Variants in OR6J1 observed in about 807,000 individuals in gnomAD.
The protein encoded by OR6J1 is olfactory receptor 6J1.
For synonymous variants in OR6J1, 109 were observed against 70.0 expected, an observed-to-expected ratio of 1.56 and a Z score of -2.78; for missense variants, 304 against 166.8, an observed-to-expected ratio of 1.82 and a Z score of -4.53.
intron 1 of OR6J1, among the ~76,000 whole-genome samples, chr14:22,638,029 G>T (rs1330856972): frequency 1.9e-5 from 2 of 106,642 alleles, no homozygotes; most frequent in Non-Finnish European, 3.7e-5. Flanking sequence ...GGAGGATGGT[G>T]GGGGGGTCAG....
chr14:22,643,754 CACACACACACAGAGAGAG>C (rs1158929494), intron 1 of OR6J1, among the ~76,000 whole-genome samples: 66 of 93,148 alleles, frequency 7.1e-4, no homozygotes, highest in African/African-American at 2.7e-3. Flanking sequence ...CACACACACA[CACACACACACAGAGAGAG>C]AGAGAGAGAG....
At chr14:22,641,230 A>AAAGAAAGT (rs2037644622) in intron 1 of OR6J1, among the ~76,000 whole-genome samples, 1 of 30,914 alleles carries the variant, frequency 3.2e-5, no homozygotes, top group Non-Finnish European at 7.3e-5. Context: ...AGAAAGAAAG[A>AAAGAAAGT]AAGAAAGAAA....
chr14:22,633,951 A>G lies in OR6J1; in HGVS notation c.861T>C (p.Phe287=), dbSNP rs2037564698. Reference sequence around the variant, plus strand: ...CTGTGTCATTCCTCAGAGTATATATAAAGGGGTTGAGGAATGGAGTCACCA... The same window carrying G: ...CTGTGTCATTCCTCAGAGTATATATGAAGGGGTTGAGGAATGGAGTCACCA... ...SSVVTPFLNP[F]IYTLRNDTVQ... The change falls in exon 2 of 2, where the codon TTT becomes TTC. Residue 287 remains phenylalanine, a synonymous_variant. Coordinates refer to ENST00000540461, the MANE Select transcript of OR6J1 (RefSeq NM_001348233.2). 4.3e-6 allele frequency: 3 copies of G among 702,742 alleles called. No homozygotes were observed. The highest frequency in any genetic ancestry group is 7.8e-6 in the Non-Finnish European group (3 of 384,854). 43.5% of individuals were successfully genotyped at this position (702,742 alleles called of 1,614,324 possible). A position where few individuals can be genotyped will look rare whatever the true frequency, so the allele number is the denominator to read the frequency against.
chr14:22,638,539 T>C (rs2037613634), intron 1 of OR6J1, among the ~76,000 whole-genome samples: 1 of 97,258 alleles, frequency 1.0e-5, no homozygotes. Context: ...GTCCTCTGCC[T>C]AGGAAAACCA....
At chr14:22,637,606 G>C (rs1371550937) in intron 1 of OR6J1, among the ~76,000 whole-genome samples, 2 of 65,536 alleles carry the variant, frequency 3.1e-5, no homozygotes, top group Non-Finnish European at 6.0e-5. Flanking sequence ...CCCCCCGCCT[G>C]GCCAGCCGCC....
In OR6J1 at chr14:22,634,232, T is replaced by C; in HGVS notation, c.580A>G (p.Ile194Val). 1 of 703,400 alleles carries C rather than the reference T, an allele frequency of 1.4e-6. No homozygotes were observed. The highest frequency in any genetic ancestry group is 2.6e-6 in the Non-Finnish European group (1 of 384,996). 43.6% of individuals were successfully genotyped at this position (703,400 alleles called of 1,614,324 possible). ...LALACADTTA[I>V]ELMDFMLSSM... ...GAAAGCATAAAATCCATCAGCTCGA[T>C]GGCAGTGGTGTCTGCACAGGCCAGG... Residue 194 changes from isoleucine (I) to valine (V), a missense_variant, in exon 2 of 2, where the codon ATC becomes GTC. Coordinates refer to ENST00000540461, the MANE Select transcript of OR6J1 (RefSeq NM_001348233.2).
intron 1 of OR6J1, among the ~76,000 whole-genome samples, chr14:22,641,298 GAC>G (rs1331874219): frequency 3.4e-5 from 2 of 59,282 alleles, no homozygotes; most frequent in Non-Finnish European, 3.5e-5. Flanking sequence ...AAGAAAGAGA[GAC>G]AGAGAGGAAA....
intron 1 of OR6J1, among the ~76,000 whole-genome samples, chr14:22,635,347 A>G (rs2037576418): frequency 6.6e-6 from 1 of 152,250 alleles, no homozygotes; most frequent in Admixed American, 6.5e-5. Flanking sequence ...AGTAACATAT[A>G]AATGACAAAA....
Position 22,634,599 on chromosome 14 carries a change from G to C in OR6J1, c.213C>G (p.Leu71=), listed in dbSNP as rs1019751961. ...CTTTTGGAGAGATGACTGAGGTGAA[G>C]AGGATGTCCAGGATAGAGAGGTTGC... ...FLCNLSILDI[L]FTSVISPKVL... The change falls in exon 2 of 2, where the codon CTC becomes CTG. Residue 71 remains leucine (L), a synonymous_variant. Transcript: ENST00000540461. The C allele has an allele frequency of 2.8e-6, 2 of 724,454 alleles. No homozygotes were observed. The highest frequency in any genetic ancestry group is 5.1e-6 in the Non-Finnish European group (2 of 394,302). The allele number at this position is 724,454 out of a possible 1,614,324, so 44.9% of individuals were successfully genotyped here.
chr14:22,640,891 G>A (rs2037640152), intron 1 of OR6J1, among the ~76,000 whole-genome samples: 1 of 151,202 alleles, frequency 6.6e-6, no homozygotes, highest in South Asian at 2.1e-4. Flanking sequence ...AAGTTAAGCT[G>A]GGCATGGTGG....
At chr14:22,642,969 A>AT (rs776883380) in intron 1 of OR6J1, among the ~76,000 whole-genome samples, 12,526 of 139,970 alleles carry the variant, frequency 0.089, 619 homozygotes, top group Non-Finnish European at 0.099. Flanking sequence ...CACCTGGATA[A>AT]TTTTTTTTTT....
In OR6J1 at chr14:22,631,401, G is replaced by A. The variant is rs1187601644; in HGVS notation, c.*2367C>T. The A allele has an allele frequency of 6.6e-6, 1 of 152,180 alleles. No homozygotes were observed. Among genetic ancestry groups the A allele is most frequent in the African/African-American group, 2.4e-5 (1 of 41,432 alleles). 9.4% of individuals were successfully genotyped at this position (152,180 alleles called of 1,614,324 possible). A position where few individuals can be genotyped will look rare whatever the true frequency, so the allele number is the denominator to read the frequency against. Reference sequence around the variant, plus strand: ...CCAGGCGCGTACTCTCTTTCCCAGGGATGTTCCTTGCTGAGAAAAAGAATT... The same window carrying A: ...CCAGGCGCGTACTCTCTTTCCCAGGAATGTTCCTTGCTGAGAAAAAGAATT... On this transcript the variant is annotated 3_prime_UTR_variant, in exon 2 of 2. Transcript: ENST00000540461.
chr14:22,644,309 T>A lies in OR6J1; in HGVS notation c.-239A>T, dbSNP rs12589700. 1 of 152,116 alleles carries A rather than the reference T, an allele frequency of 6.6e-6. No homozygotes were observed. The highest frequency in any genetic ancestry group is 2.4e-5 in the African/African-American group (1 of 41,386). The allele number at this position is 152,116 out of a possible 1,614,324, so 9.4% of individuals were successfully genotyped here. Reference sequence around the variant, plus strand: ...ACCTCTTGTCCGACGAGCATGCACTTGTGTTGTAGACAGCTGGAAGGTACA... The same window carrying A: ...ACCTCTTGTCCGACGAGCATGCACTAGTGTTGTAGACAGCTGGAAGGTACA... On this transcript the variant is annotated 5_prime_UTR_variant, in exon 1 of 2. Coordinates refer to ENST00000540461, the MANE Select transcript of OR6J1 (RefSeq NM_001348233.2).
At chr14:22,642,925 C>T (rs1594904540) in intron 1 of OR6J1, among the ~76,000 whole-genome samples, 1 of 152,044 alleles carries the variant, frequency 6.6e-6, no homozygotes, top group South Asian at 2.1e-4. Context: ...GCCTCAGCCT[C>T]CCAAGTAGCT....
intron 1 of OR6J1, among the ~76,000 whole-genome samples, chr14:22,637,682 TGG>T (rs1327524028): frequency 2.4e-5 from 1 of 41,550 alleles, no homozygotes; most frequent in African/African-American, 1.3e-4. Flanking sequence ...GGGAGGGAGG[TGG>T]GGGGGGTCAG....
rs1457341102 is a variant in OR6J1 at position 22,640,483 on chromosome 14, G to GTTTT, written c.-28+3614_-28+3615insAAAA. Among the ~76,000 whole-genome samples the GTTTT allele has an allele frequency of 1.1e-4, 15 of 132,710 alleles. 1 individual carries two copies. Among genetic ancestry groups the GTTTT allele is most frequent in the African/African-American group, 2.4e-4 (8 of 32,786 alleles). The allele number at this position is 132,710 out of a possible 152,430, so 87.1% of individuals were successfully genotyped here. A position where few individuals can be genotyped will look rare whatever the true frequency, so the allele number is the denominator to read the frequency against. On this transcript the variant is annotated intron_variant, in intron 1 of 1. Coordinates refer to ENST00000540461, the MANE Select transcript of OR6J1 (RefSeq NM_001348233.2). ...CTTCAGCTCAACCAACAGTGAGAAT[G>GTTTT]TATTTTTTTTTTTTTTTTTTTTTTG...
Position 22,631,882 on chromosome 14 carries a change from T to C in OR6J1, c.*1886A>G, listed in dbSNP as rs1224435649. On this transcript the variant is annotated 3_prime_UTR_variant, in exon 2 of 2. Transcript: ENST00000540461. The stretch of plus-strand genomic sequence containing the variant: ...GGGAATACTCGGGCCTTTCCCTTTT[T>C]TTCTACTATGAAGCTTTCCACTCCC... The C allele has an allele frequency of 6.6e-6, 1 of 152,444 alleles. No homozygotes were observed. Among genetic ancestry groups the C allele is most frequent in the Non-Finnish European group, 1.5e-5 (1 of 68,160 alleles). The allele number at this position is 152,444 out of a possible 1,614,324, so 9.4% of individuals were successfully genotyped here. A position where few individuals can be genotyped will look rare whatever the true frequency, so the allele number is the denominator to read the frequency against.
At chr14:22,639,170 C>T (rs1193677201) in intron 1 of OR6J1, among the ~76,000 whole-genome samples, 3 of 113,346 alleles carry the variant, frequency 2.6e-5, no homozygotes, top group Non-Finnish European at 5.2e-5. Flanking sequence ...CGCCCGGCAG[C>T]CACCCCATCT....
rs756253608 is a variant in OR6J1 at position 22,634,713 on chromosome 14, C to T, written c.99G>A (p.Thr33=). 7.0e-6 allele frequency: 5 copies of T among 718,080 alleles called. No homozygotes were observed. The highest frequency in any genetic ancestry group is 2.6e-5 in the East Asian group (1 of 38,380). The allele number at this position is 718,080 out of a possible 1,614,324, so 44.5% of individuals were successfully genotyped here. Residue 33 remains threonine (T), a synonymous_variant, in exon 2 of 2, where the codon ACG becomes ACA. Transcript: ENST00000540461. ...ELLLLVLLLP[T]FLLTLLGNLL... ...GGTTCCCCAGAAGAGTCAGCAGGAA[C>T]GTGGGCAGCAGGAGCACCAGGAGCA...
Sources: gnomAD v4.1 joint callset for allele counts (sites outside exome capture counted in the v4.1 genomes callset) on GRCh38, gnomAD v4.1.1 for gene constraint, MANE v1.5 for transcripts, NCBI Gene and HGNC (gene_info 2026-07-23, HGNC 2026-07-21) for gene names.